The following NOL9 variants were observed in gnomAD, a reference collection of about 807,000 sequenced individuals.
The protein encoded by NOL9 is nucleolar protein 9, also known as polynucleotide 5'-hydroxyl-kinase NOL9.
NOL9 carries 28 observed loss-of-function variants against 67.9 expected under a neutral mutation model. The observed-to-expected ratio is 0.41, with a 90% CI of 0.31 to 0.57. The LOEUF is 0.57. Ranked by LOEUF, NOL9 falls within the 20% of genes least tolerant of loss-of-function variation. The probability of loss-of-function intolerance (pLI) is 0.25; values close to 1 mark genes in which losing one functional copy is unlikely to be tolerated. For synonymous variants in NOL9, 356 were observed against 352.2 expected, an observed-to-expected ratio of 1.01 and a Z score of -0.12; for missense variants, 777 against 897.0, an observed-to-expected ratio of 0.87 and a Z score of 1.71.
rs531645064 is a variant in NOL9 at position 6,538,950 on chromosome 1, C to A, written c.1075+2880G>T. ...TCACGCCACTGCACCTCAGCCTGGG[C>A]GAAAGAGCAAGACTCTGTCTCAGAA... On this transcript the variant is annotated intron_variant, in intron 6 of 11. Coordinates refer to ENST00000377705, the MANE Select transcript of NOL9 (RefSeq NM_024654.5). Among the ~76,000 whole-genome samples, 74 of 152,066 alleles carry A rather than the reference C, an allele frequency of 4.9e-4. 1 individual carries two copies. Among genetic ancestry groups the A allele is most frequent in the Middle Eastern group, 3.4e-3 (1 of 292 alleles).
chr1:6,522,582 G>A lies in NOL9; in HGVS notation c.*3272C>T, dbSNP rs1638794540. On this transcript the variant is annotated 3_prime_UTR_variant, in exon 12 of 12. Transcript: ENST00000377705. Reference sequence around the variant, plus strand: ...ACAAACAAACAAACAAAAACTAAGAGCTTTTGTAAAGAATAGCTTCAGGCC... The same window carrying A: ...ACAAACAAACAAACAAAAACTAAGAACTTTTGTAAAGAATAGCTTCAGGCC... 6.6e-6 allele frequency: 1 copy of A among 150,828 alleles called. No individual in the cohort carries two copies. The highest frequency in any genetic ancestry group is 2.4e-5 in the African/African-American group (1 of 41,006). 9.3% of individuals were successfully genotyped at this position (150,828 alleles called of 1,614,324 possible). A position where few individuals can be genotyped will look rare whatever the true frequency, so the allele number is the denominator to read the frequency against.
chr1:6,554,348 A>G lies in NOL9; in HGVS notation c.155T>C (p.Leu52Ser), dbSNP rs1323965243. 4 of 1,458,232 alleles carry G rather than the reference A, an allele frequency of 2.7e-6. No individual in the cohort carries two copies. The highest frequency in any genetic ancestry group is 3.6e-6 in the Non-Finnish European group (4 of 1,112,220). 90.3% of individuals were successfully genotyped at this position (1,458,232 alleles called of 1,614,324 possible). A position where few individuals can be genotyped will look rare whatever the true frequency, so the allele number is the denominator to read the frequency against. The change falls in exon 1 of 12, where the codon TTA (leucine) becomes TCA (serine). Residue 52 changes from leucine (L) to serine (S), a missense_variant. Leu to Ser is a moderately radical substitution (Grantham distance 145). Transcript: ENST00000377705. ...CACGCCGGACGCCTGGGCTTGCAGTAACCGCCACCGTAGGCGCCGCCGACC... is the reference window on the plus strand; with the variant it reads ...CACGCCGGACGCCTGGGCTTGCAGTGACCGCCACCGTAGGCGCCGCCGACC... ...WCGRRRLRWR[L>S]LQAQASGVDW... is the part of the protein sequence containing the mutation.
chr1:6,540,072 C>A (rs1179012141), intron 6 of NOL9, among the ~76,000 whole-genome samples: 3 of 148,192 alleles, frequency 2.0e-5, no homozygotes, highest in African/African-American at 7.5e-5. Context: ...CGCAACCTCT[C>A]CCTCCCGGGT....
chr1:6,544,604 T>G (rs1038501645), intron 5 of NOL9, among the ~76,000 whole-genome samples: 5 of 124,014 alleles, frequency 4.0e-5, no homozygotes, highest in Non-Finnish European at 7.9e-5. Context: ...AAGTGTCTCC[T>G]CTTGGAAGTC....
intron 9 of NOL9, among the ~76,000 whole-genome samples, chr1:6,529,462 C>A (rs1221981670): frequency 6.6e-6 from 1 of 152,104 alleles, no homozygotes; most frequent in East Asian, 1.9e-4. Context: ...GTGGCAGGCG[C>A]CTGTAATCCC....
intron 9 of NOL9, among the ~76,000 whole-genome samples, chr1:6,529,819 G>A (rs1638981389): frequency 6.6e-6 from 1 of 151,900 alleles, no homozygotes; most frequent in African/African-American, 2.4e-5. Flanking sequence ...CCAGCTACTT[G>A]GGAGGCTGAG....
intron 10 of NOL9, 82 bp from the exon 11 acceptor site, chr1:6,526,911 T>C: frequency 6.8e-7 from 1 of 1,476,092 alleles, no homozygotes; most frequent in Non-Finnish European, 9.1e-7. Context: ...CAGAATGGTT[T>C]TGAACATAAG....
chr1:6,539,273 A>G (rs995517089), intron 6 of NOL9, among the ~76,000 whole-genome samples: 7 of 152,340 alleles, frequency 4.6e-5, no homozygotes, highest in South Asian at 2.1e-4. Context: ...CAGAACTACC[A>G]TAAGACCCAG....
At chr1:6,528,806 G>A (rs2148649721) in intron 10 of NOL9, among the ~76,000 whole-genome samples, 188 bp downstream of exon 10, 1 of 152,360 alleles carries the variant, frequency 6.6e-6, no homozygotes, top group African/African-American at 2.4e-5. Context: ...ACAGGAGCTG[G>A]CAGACGAAGC....
At chr1:6,533,508 G>T in intron 6 of NOL9, 67 bp from the exon 7 acceptor site, 1 of 1,235,282 alleles carries the variant, frequency 8.1e-7, no homozygotes, top group Non-Finnish European at 1.1e-6. Flanking sequence ...CTTAAAAGGT[G>T]GTGAGGGTTT....
intron 6 of NOL9, among the ~76,000 whole-genome samples, chr1:6,536,369 TA>T: frequency 1.2e-5 from 1 of 84,534 alleles, no homozygotes; most frequent in Non-Finnish European, 2.8e-5. Context: ...TAAAATAAAA[TA>T]AAAAAATAAA....
rs1260281619 is a variant in NOL9, at chr1:6,528,981, C to T, written c.1825+13G>A. ...TCAGTAGGTTTATGGATATGTTTTA[C>T]TCTCAGACTCACCAAAGCCCAAGCA... On this transcript the variant is annotated intron_variant, in intron 10 of 11. Coordinates refer to ENST00000377705, the MANE Select transcript of NOL9 (RefSeq NM_024654.5). The T allele has an allele frequency of 3.1e-6, 5 of 1,613,238 alleles. No homozygotes were observed. In the Admixed American group the frequency reaches 8.3e-5, roughly 27 times the overall value.
chr1:6,543,264 C>A (rs1484260305), intron 5 of NOL9, among the ~76,000 whole-genome samples: 1 of 150,944 alleles, frequency 6.6e-6, no homozygotes, highest in Non-Finnish European at 1.5e-5. Flanking sequence ...GGCACCATCT[C>A]GGCTCACTGC....
At chr1:6,545,996 C>G (rs967084528) in intron 3 of NOL9, among the ~76,000 whole-genome samples, 1 of 138,702 alleles carries the variant, frequency 7.2e-6, no homozygotes, top group Non-Finnish European at 1.5e-5. Context: ...TCTTAGAAAA[C>G]AACAGAACAA....
chr1:6,545,322 T>C (rs1639395715), intron 3 of NOL9, 142 bp from the exon 4 acceptor site: 1 of 770,728 alleles, frequency 1.3e-6, no homozygotes, highest in Non-Finnish European at 2.1e-6. Flanking sequence ...ATCCAACCCA[T>C]CAACAAGTGT....
chr1:6,553,881 T>C (rs188472668), intron 1 of NOL9, among the ~76,000 whole-genome samples: 1 of 152,020 alleles, frequency 6.6e-6, no homozygotes, highest in Admixed American at 6.5e-5. Context: ...CAAAATAAAG[T>C]CCCTTTAGCT....
intron 9 of NOL9, among the ~76,000 whole-genome samples, chr1:6,531,212 ACTT>A (rs1639019961): frequency 6.6e-6 from 1 of 151,656 alleles, no homozygotes; most frequent in Non-Finnish European, 1.5e-5. Flanking sequence ...AATGTGAAGT[ACTT>A]CTTTTTTTTT....
chr1:6,531,646 C>G (rs1639030793), intron 9 of NOL9, among the ~76,000 whole-genome samples: 1 of 152,122 alleles, frequency 6.6e-6, no homozygotes, highest in Admixed American at 6.6e-5. Context: ...CTGGAGCAGC[C>G]CCTGCGACCA....
intron 6 of NOL9, among the ~76,000 whole-genome samples, chr1:6,535,492 C>T (rs1010703067): frequency 2.0e-5 from 3 of 152,154 alleles, no homozygotes; most frequent in African/African-American, 7.2e-5. Context: ...GGACCTAGGA[C>T]GTAAGAGGAG....
Sources: gnomAD v4.1 joint callset for allele counts (sites outside exome capture counted in the v4.1 genomes callset) on GRCh38, gnomAD v4.1.1 for gene constraint, MANE v1.5 for transcripts, NCBI Gene and HGNC (gene_info 2026-07-23, HGNC 2026-07-21) for gene names.